Variants in STK33 observed in about 807,000 individuals in gnomAD.
STK33 encodes serine/threonine-protein kinase 33.
A neutral mutation model predicts 58.0 loss-of-function variants in STK33; 52 were observed. That is an observed-to-expected ratio of 0.90 (90% CI 0.72 to 1.13). STK33 has a LOEUF of 1.13. STK33 is among the 50% of genes most tolerant of loss of function. The pLI, the probability that STK33 is intolerant of heterozygous loss-of-function variation, is 0.00. For missense variants in STK33, 630 were observed against 604.2 expected, an observed-to-expected ratio of 1.04 and a Z score of -0.45; for synonymous variants, 215 against 200.1, an observed-to-expected ratio of 1.07 and a Z score of -0.63.
chr11:8,591,152 A>G (rs986800557), intron 1 of STK33, among the ~76,000 whole-genome samples: 2 of 152,192 alleles, frequency 1.3e-5, no homozygotes, highest in Non-Finnish European at 2.9e-5. Context: ...CAACTGTCAG[A>G]GACAGCCTTC....
chr11:8,356,991 T>C, the STK33 span, among the ~76,000 whole-genome samples: 1 of 152,142 alleles, frequency 6.6e-6, no homozygotes, highest in Non-Finnish European at 1.5e-5. Context: ...TGGACTGCAT[T>C]AAATGAAGGT....
At chr11:8,336,953 C>A in the STK33 span, among the ~76,000 whole-genome samples, 39 of 152,378 alleles carry the variant, frequency 2.6e-4, no homozygotes, top group African/African-American at 9.1e-4. Context: ...GGCCTCCTGG[C>A]AGCCTGGCCT....
intron 1 of STK33, among the ~76,000 whole-genome samples, chr11:8,578,406 A>C (rs971226825): frequency 6.6e-6 from 1 of 152,062 alleles, no homozygotes; most frequent in Non-Finnish European, 1.5e-5. Context: ...ACATCCATTC[A>C]GTGGAATACT....
At chr11:8,429,678 G>A (rs1309247965) in intron 14 of STK33, among the ~76,000 whole-genome samples, 1 of 151,932 alleles carries the variant, frequency 6.6e-6, no homozygotes, top group African/African-American at 2.4e-5. Context: ...CTGAAGTTCC[G>A]TCTGTCCTGG....
At chr11:8,406,583 C>T (rs1206681419) in intron 15 of STK33, among the ~76,000 whole-genome samples, 1 of 152,060 alleles carries the variant, frequency 6.6e-6, no homozygotes, top group African/African-American at 2.4e-5. Context: ...AAATATTTTG[C>T]ATATATTTTG....
At chr11:8,526,430 G>T (rs1003295388) in intron 1 of STK33, among the ~76,000 whole-genome samples, 2 of 151,898 alleles carry the variant, frequency 1.3e-5, no homozygotes, top group South Asian at 4.2e-4. Context: ...AACTGCTTTG[G>T]AAGACTATTT....
intron 1 of STK33, among the ~76,000 whole-genome samples, chr11:8,513,510 T>A (rs1952510191): frequency 6.6e-6 from 1 of 152,126 alleles, no homozygotes. Context: ...ATTGTAAAAA[T>A]TACAGTCCAT....
chr11:8,474,743 T>A lies in STK33; in HGVS notation c.163A>T (p.Ile55Phe). Residue 55 changes from isoleucine to phenylalanine, a missense_variant, in exon 5 of 16, where the codon ATT (isoleucine) becomes TTT (phenylalanine). Ile to Phe is a conservative substitution (Grantham distance 21). Coordinates refer to ENST00000687296, the MANE Select transcript of STK33 (RefSeq NM_001352389.2). ...TTTTCTTTTTTTCTCTCCAGTGAAA[T>A]TAAAGATTCTGCACTACCAATGCTT... Reference protein sequence around the residue: ...TSSIGSAESLISLERKKEKNI... With the variant: ...TSSIGSAESLFSLERKKEKNI... 6.2e-7 allele frequency: 1 copy of A among 1,612,926 alleles called. No homozygotes were observed. The highest frequency in any genetic ancestry group is 8.5e-7 in the Non-Finnish European group (1 of 1,179,704).
intron 14 of STK33, among the ~76,000 whole-genome samples, chr11:8,420,003 T>C (rs1941684249): frequency 6.6e-6 from 1 of 152,128 alleles, no homozygotes; most frequent in African/African-American, 2.4e-5. Flanking sequence ...TAGAGGAGTC[T>C]CACTATGTTG....
chr11:8,534,552 CTCTCTCTCTCTCTCTCTGTGTG>C (rs1204338358), intron 1 of STK33, among the ~76,000 whole-genome samples: 1 of 129,908 alleles, frequency 7.7e-6, no homozygotes, highest in East Asian at 2.3e-4. Context: ...CTCTCTCTCT[CTCTCTCTCTCTCTCTCTGTGTG>C]TGTGTGTGTG....
intron 1 of STK33, among the ~76,000 whole-genome samples, chr11:8,519,254 C>T (rs967456447): frequency 2.0e-5 from 3 of 152,132 alleles, no homozygotes; most frequent in African/African-American, 4.8e-5. Flanking sequence ...GGGTACATAA[C>T]GAAATGAAGG....
chr11:8,339,623 G>C, the STK33 span, among the ~76,000 whole-genome samples: 9 of 152,362 alleles, frequency 5.9e-5, no homozygotes, highest in Non-Finnish European at 1.2e-4. Flanking sequence ...GGTGACCAGG[G>C]GAAGCCTCCT....
intron 1 of STK33, among the ~76,000 whole-genome samples, chr11:8,481,845 C>T (rs1949828714): frequency 6.6e-6 from 1 of 151,908 alleles, no homozygotes; most frequent in Non-Finnish European, 1.5e-5. Flanking sequence ...ATTGTCAAAC[C>T]CAAGGGCTTC....
intron 1 of STK33, among the ~76,000 whole-genome samples, chr11:8,585,065 C>A (rs4244806): frequency 2.0e-5 from 3 of 150,504 alleles, no homozygotes; most frequent in African/African-American, 7.3e-5. Context: ...TGGGATTACA[C>A]GCATGCACCA....
intron 15 of STK33, among the ~76,000 whole-genome samples, chr11:8,410,456 T>C (rs1340304996): frequency 1.7e-5 from 2 of 119,822 alleles, no homozygotes. Flanking sequence ...CAAAAATCTA[T>C]TTTCTTTTCT....
intron 14 of STK33, among the ~76,000 whole-genome samples, chr11:8,431,801 T>A (rs1943456226): frequency 6.6e-6 from 1 of 152,150 alleles, no homozygotes; most frequent in Admixed American, 6.5e-5. Context: ...CCACTCACGA[T>A]TTTCTTTTTT....
At chr11:8,560,948 C>T (rs1388736759) in intron 1 of STK33, among the ~76,000 whole-genome samples, 1 of 152,132 alleles carries the variant, frequency 6.6e-6, no homozygotes. Context: ...GACTCTCTCT[C>T]CACGAAGATA....
At chr11:8,425,900 G>A (rs1339281637) in intron 14 of STK33, among the ~76,000 whole-genome samples, 1 of 152,000 alleles carries the variant, frequency 6.6e-6, no homozygotes, top group African/African-American at 2.4e-5. Flanking sequence ...GGATGCAGAT[G>A]GGCACATGTG....
chr11:8,389,125 G>C (rs1370150445), downstream of STK33, among the ~76,000 whole-genome samples: 1 of 152,256 alleles, frequency 6.6e-6, no homozygotes, highest in Admixed American at 6.5e-5. Context: ...TGTTCATAAA[G>C]GCACTGAGAG....
Sources: gnomAD v4.1 joint callset for allele counts (sites outside exome capture counted in the v4.1 genomes callset) on GRCh38, gnomAD v4.1.1 for gene constraint, MANE v1.5 for transcripts, NCBI Gene and HGNC (gene_info 2026-07-23, HGNC 2026-07-21) for gene names.